CTBP2: variants seen among roughly 807,000 people sequenced by gnomAD.
The protein encoded by CTBP2 is C-terminal binding protein 2.
A neutral mutation model predicts 80.3 loss-of-function variants in CTBP2; 30 were observed. The observed-to-expected ratio is 0.37, with a 90% CI of 0.28 to 0.51. The LOEUF is 0.51. Ranked by LOEUF, CTBP2 falls within the 20% of genes least tolerant of loss-of-function variation. CTBP2 has a pLI of 0.93. For missense variants in CTBP2, 1,212 were observed against 1,375.3 expected (o/e 0.88, Z 1.88); for synonymous variants, 594 against 587.4 (o/e 1.01, Z -0.16).
chr10:125,002,904 G>A, intron 3 of CTBP2, 56 bp downstream of exon 5: 2 of 1,596,560 alleles, frequency 1.3e-6, no homozygotes, highest in South Asian at 1.1e-5. Flanking sequence ...GCCCACCCGA[G>A]CAGGGCCCAC....
Position 125,090,285 on chromosome 10 carries a change from CAAAA to C in CTBP2, c.-102+20701_-102+20704del, listed in dbSNP as rs56714830. On this transcript the variant is annotated intron_variant, in intron 2 of 10. Transcript: ENST00000337195. Reference sequence around the variant, plus strand: ...TCTGGGCGACAGAGAGTCCCTGGCTCAAAAAAAAAAAAAAAAAGGTTGGGGGGAT... The same window carrying C: ...TCTGGGCGACAGAGAGTCCCTGGCTCAAAAAAAAAAAAAGGTTGGGGGGAT... Among the ~76,000 whole-genome samples, 7 of 65,418 alleles carry C rather than the reference CAAAA, an allele frequency of 1.1e-4. 1 individual carries two copies. Among genetic ancestry groups the C allele is most frequent in the African/African-American group, 2.1e-4 (3 of 14,492 alleles). 42.9% of individuals were successfully genotyped at this position (65,418 alleles called of 152,430 possible).
chr10:125,142,486 G>A (rs1477332730), intron 1 of CTBP2, among the ~76,000 whole-genome samples: 2 of 152,190 alleles, frequency 1.3e-5, no homozygotes, highest in Non-Finnish European at 2.9e-5. Flanking sequence ...GTCAGGGCGG[G>A]GAGGCAGGAA....
intron 2 of CTBP2, among the ~76,000 whole-genome samples, chr10:125,069,224 C>T (rs992485176): frequency 1.5e-4 from 23 of 152,244 alleles, no homozygotes; most frequent in African/African-American, 4.8e-4. Flanking sequence ...GACAACACTA[C>T]AAATTGCGTT....
In CTBP2 at chr10:124,988,099, A is replaced by G. The variant is rs1952121295; in HGVS notation, c.*1419T>C. The G allele has an allele frequency of 2.0e-5, 3 of 152,536 alleles. No homozygotes were observed. Among genetic ancestry groups the G allele is most frequent in the East Asian group, 3.9e-4 (2 of 5,192 alleles). 9.4% of individuals were successfully genotyped at this position (152,536 alleles called of 1,614,324 possible). A position where few individuals can be genotyped will look rare whatever the true frequency, so the allele number is the denominator to read the frequency against. On this transcript the variant is annotated 3_prime_UTR_variant, in exon 9 of 9. Coordinates refer to ENST00000309035, the MANE Select transcript of CTBP2 (RefSeq NM_022802.3). The stretch of plus-strand genomic sequence containing the variant: ...TTTTGAATTGATTTAGCACTAACCC[A>G]CCATTGCATCTTAAGGATGGCATGA...
intron 2 of CTBP2, among the ~76,000 whole-genome samples, chr10:125,051,385 A>C (rs1962711801): frequency 6.6e-6 from 1 of 152,224 alleles, no homozygotes; most frequent in South Asian, 2.1e-4. Flanking sequence ...CACGCCTGTA[A>C]TCCCAGCACT....
chr10:125,121,489 G>C (rs1854314233), intron 1 of CTBP2, among the ~76,000 whole-genome samples: 1 of 152,166 alleles, frequency 6.6e-6, no homozygotes, highest in Non-Finnish European at 1.5e-5. Flanking sequence ...CTGTGGAATG[G>C]AGCAGCAGCT....
At chr10:125,081,625 C>T (rs1847183846) in intron 2 of CTBP2, among the ~76,000 whole-genome samples, 1 of 151,374 alleles carries the variant, frequency 6.6e-6, no homozygotes, top group Non-Finnish European at 1.5e-5. Context: ...TCCATTCTTA[C>T]AACTCTTCTG....
chr10:125,064,463 G>A (rs1844323958), intron 2 of CTBP2, among the ~76,000 whole-genome samples: 1 of 152,132 alleles, frequency 6.6e-6, no homozygotes, highest in African/African-American at 2.4e-5. Context: ...ACAATGCTGA[G>A]GTCACCCATC....
intron 4 of CTBP2, chr10:124,997,730 T>C (rs1953821890): frequency 3.5e-6 from 2 of 575,960 alleles, no homozygotes; most frequent in Non-Finnish European, 6.2e-6. Context: ...TGCCAGACAC[T>C]ACAGACAGCA....
upstream of CTBP2, among the ~76,000 whole-genome samples, chr10:125,031,417 A>T (rs1958179508): frequency 8.0e-6 from 1 of 124,902 alleles, no homozygotes; most frequent in East Asian, 2.8e-4. Context: ...TGAACCCGGG[A>T]GGTGCAGGTT....
At position 125,145,745 on chromosome 10, in the gene CTBP2, G is replaced by A. The variant is rs888899235; in HGVS notation, c.-206+14574C>T. Among the ~76,000 whole-genome samples the A allele has an allele frequency of 4.1e-4, 63 of 152,178 alleles. 2 individuals are homozygous for A. Among genetic ancestry groups the A allele is most frequent in the Non-Finnish European group, 8.4e-4 (57 of 68,014 alleles). Reference sequence around the variant, plus strand: ...ATAATAATGGTAACAAACAGCTAGCGTGGGAGCACTTCCCACATCTTATTC... The same window carrying A: ...ATAATAATGGTAACAAACAGCTAGCATGGGAGCACTTCCCACATCTTATTC... On this transcript the variant is annotated intron_variant, in intron 1 of 10. Coordinates refer to the CTBP2 transcript ENST00000337195.
intron 2 of CTBP2, among the ~76,000 whole-genome samples, chr10:125,063,871 C>T (rs770903790): frequency 9.2e-5 from 14 of 152,174 alleles, no homozygotes; most frequent in South Asian, 4.1e-4. Context: ...GTGGACACCC[C>T]GTGTAGGGAC....
intron 2 of CTBP2, among the ~76,000 whole-genome samples, chr10:125,064,014 A>G (rs1844246000): frequency 6.6e-6 from 1 of 151,942 alleles, no homozygotes; most frequent in African/African-American, 2.4e-5. Flanking sequence ...TTAATTATCC[A>G]ACTCCAATTC....
intron 2 of CTBP2, among the ~76,000 whole-genome samples, chr10:125,081,979 T>C (rs995245884): frequency 1.3e-5 from 2 of 150,934 alleles, no homozygotes; most frequent in Non-Finnish European, 1.5e-5. Context: ...CAGGCCAGCA[T>C]GGTCAGCGCT....
At chr10:125,020,865 T>C (rs1956970730) in intron 1 of CTBP2, among the ~76,000 whole-genome samples, 1 of 152,146 alleles carries the variant, frequency 6.6e-6, no homozygotes, top group African/African-American at 2.4e-5. Flanking sequence ...GGACACACTC[T>C]ATGCAAGGTG....
upstream of CTBP2, among the ~76,000 whole-genome samples, chr10:125,031,259 G>C (rs1372365246): frequency 6.6e-6 from 1 of 151,958 alleles, no homozygotes; most frequent in Non-Finnish European, 1.5e-5. Context: ...GAGACTGAGT[G>C]GGGCGGATCA....
At chr10:125,020,204 G>A (rs1269703506) in intron 1 of CTBP2, among the ~76,000 whole-genome samples, 2 of 152,210 alleles carry the variant, frequency 1.3e-5, no homozygotes, top group African/African-American at 2.4e-5. Flanking sequence ...AGATTTCAGA[G>A]GAGCAACAAT....
chr10:125,041,731 T>C (rs1415349489), intron 2 of CTBP2, among the ~76,000 whole-genome samples: 1 of 152,066 alleles, frequency 6.6e-6, no homozygotes, highest in Non-Finnish European at 1.5e-5. Context: ...AATGACAGCA[T>C]TATAATCTGA....
At chr10:125,040,241 G>A (rs930353779) in intron 2 of CTBP2, among the ~76,000 whole-genome samples, 1 of 152,088 alleles carries the variant, frequency 6.6e-6, no homozygotes, top group South Asian at 2.1e-4. Flanking sequence ...GATCACCTGA[G>A]GTCAGGAGTT....
Sources: gnomAD v4.1 joint callset for allele counts (sites outside exome capture counted in the v4.1 genomes callset) on GRCh38, gnomAD v4.1.1 for gene constraint, MANE v1.5 for transcripts, NCBI Gene and HGNC (gene_info 2026-07-23, HGNC 2026-07-21) for gene names.